PRPF40B: variants seen among roughly 807,000 people sequenced by gnomAD.
The protein encoded by PRPF40B is pre-mRNA-processing factor 40 homolog B.
A neutral mutation model predicts 124.5 loss-of-function variants in PRPF40B; 56 were observed. The ratio of observed to expected loss-of-function variants is 0.45; its 90% CI spans 0.36 to 0.56. The LOEUF (loss-of-function observed/expected upper bound fraction) is 0.56, where lower values mean the gene tolerates loss of function less well. Among genes scored for constraint, PRPF40B ranks in the 20% least tolerant of loss-of-function variants. The pLI is 0.00. For missense variants in PRPF40B, 1,053 were observed against 1,169.5 expected (o/e 0.90, Z 1.45); for synonymous variants, 443 against 426.4 (o/e 1.04, Z -0.48).
rs776704673 is a variant in PRPF40B at position 49,634,354 on chromosome 12, C to A, written c.835C>A (p.Gln279Lys). ...CAGTTCTGGACAGCATCAGCCACAG[C>A]AGGAGGAGGAGGAATCAAAGCCAGA... ...PSSSGQHQPQQEEEESKPEPE... is the reference protein window; with the variant it reads ...PSSSGQHQPQKEEEESKPEPE... Residue 279 changes from glutamine to lysine, a missense_variant, in exon 11 of 26, where the codon CAG becomes AAG. Around this residue, in one of 2 missense-constraint regions of PRPF40B, gnomAD observed 895 missense variants for 1,052.2 expected, o/e 0.85. Transcript: ENST00000548825. 6.2e-6 allele frequency: 10 copies of A among 1,614,210 alleles called. No individual in the cohort carries two copies. In the Admixed American group the frequency reaches 1.7e-4, roughly 27 times the overall value.
chr12:49,624,590 C>T (rs528363860), intron 1 of PRPF40B, among the ~76,000 whole-genome samples: 1 of 152,352 alleles, frequency 6.6e-6, no homozygotes, highest in African/African-American at 2.4e-5. Context: ...TGGCTCATGC[C>T]TGTAATCCCA....
intron 18 of PRPF40B, chr12:49,638,994 ATTAC>A (rs1250016146): frequency 5.3e-5 from 8 of 152,226 alleles, no homozygotes; most frequent in Non-Finnish European, 1.0e-4. Flanking sequence ...AATATTTTAA[ATTAC>A]TTACCATTAG....
At chr12:49,624,215 T>G (rs1940489668) in intron 1 of PRPF40B, 1 of 961,570 alleles carries the variant, frequency 1.0e-6, no homozygotes, top group South Asian at 4.8e-5. Flanking sequence ...CCATCAATTT[T>G]TTTAAAAAGG....
intron 9 of PRPF40B, 52 bp from the exon 10 acceptor site, chr12:49,633,834 G>C (rs1347240017): frequency 6.2e-7 from 1 of 1,610,008 alleles, no homozygotes; most frequent in Non-Finnish European, 8.5e-7. Flanking sequence ...AGCCCCTGAA[G>C]TCCTCCATTC....
rs1232215803 is a variant in PRPF40B at position 49,632,603 on chromosome 12, C to T, written c.302C>T (p.Pro101Leu). The change falls in exon 5 of 26, where the codon CCG becomes CTG. Residue 101 changes from proline (P) to leucine (L), a missense_variant. Coordinates refer to ENST00000548825, the MANE Select transcript of PRPF40B (RefSeq NM_001031698.3). The part of the protein sequence containing the change: ...PAVPVTAATA[P>L]GADTASSAVA... ...CTCCTCTTTCTTCGGCAGACGGCTC[C>T]GGGTGCGGACACCGCCAGCTGTGAG... 16 of 1,613,626 alleles carry T rather than the reference C, an allele frequency of 9.9e-6. No individual in the cohort carries two copies. Among genetic ancestry groups the T allele is most frequent in the East Asian group, 2.2e-5 (1 of 44,886 alleles).
chr12:49,637,707 A>T, intron 17 of PRPF40B, 26 bp from the exon 18 acceptor site: 1 of 872,020 alleles, frequency 1.1e-6, no homozygotes, highest in Non-Finnish European at 1.7e-6. Flanking sequence ...GCCGCCCGCC[A>T]GGCCCCCCTC....
chr12:49,644,077 G>C (rs1373404462), intron 25 of PRPF40B, 23 bp from the exon 26 acceptor site: 2 of 1,614,208 alleles, frequency 1.2e-6, no homozygotes, highest in Non-Finnish European at 1.7e-6. Context: ...GGCTAAGGGT[G>C]AACTGTGCCT....
intron 16 of PRPF40B, 101 bp downstream of exon 16, chr12:49,636,950 C>T (rs1179425474): frequency 6.5e-7 from 1 of 1,549,746 alleles, no homozygotes; most frequent in Non-Finnish European, 8.8e-7. Context: ...CCTGTTCTTT[C>T]TGTGCCTAGC....
rs768133812 is a variant in PRPF40B at position 49,631,449 on chromosome 12, C to T, written c.133C>T (p.Pro45Ser). 2 of 1,462,968 alleles carry T rather than the reference C, an allele frequency of 1.4e-6. No individual in the cohort carries two copies. Among genetic ancestry groups the T allele is most frequent in the Non-Finnish European group, 1.8e-6 (2 of 1,095,120 alleles). 90.6% of individuals were successfully genotyped at this position (1,462,968 alleles called of 1,614,324 possible). Reference protein sequence around the residue: ...PPPFPPMGLPPMSQRPPAIPP... With the variant: ...PPPFPPMGLPSMSQRPPAIPP... ...ACCCTTTCCTCCGATGGGGCTACCC[C>T]CCATGAGTCAGAGACCACCAGCTAT... is the stretch of plus-strand genomic sequence containing the variant. The change falls in exon 3 of 26, where the codon CCC becomes TCC. Residue 45 changes from proline (P) to serine (S), a missense_variant. Transcript: ENST00000548825. The surrounding 1 kb of genome is among the most constrained non-coding windows in gnomAD (Gnocchi z 4.3).
intron 7 of PRPF40B, 61 bp from the exon 8 acceptor site, chr12:49,633,366 C>T (rs966989325): frequency 4.4e-6 from 7 of 1,608,396 alleles, no homozygotes; most frequent in South Asian, 1.1e-5. Flanking sequence ...CCCCTTAGCT[C>T]CCCTGACTGG....
chr12:49,643,660 T>G (rs1942967141), intron 23 of PRPF40B, 31 bp from the exon 24 acceptor site: 1 of 1,605,426 alleles, frequency 6.2e-7, no homozygotes, highest in African/African-American at 1.3e-5. Flanking sequence ...TTTCTCCTGT[T>G]GGGACTTAGT....
chr12:49,632,089 C>T, intron 4 of PRPF40B, 164 bp downstream of exon 4: 1 of 707,320 alleles, frequency 1.4e-6, no homozygotes, highest in Non-Finnish European at 2.5e-6. Context: ...GCCATGTACT[C>T]AGCTCTTCTA....
At chr12:49,623,389 T>G (rs868631064), upstream of PRPF40B, 1,287 of 305,972 alleles carry the variant, frequency 4.2e-3, 17 homozygotes, top group African/African-American at 0.027. Context: ...CGGGGCCTGG[T>G]TCTCCGTGCC....
At chr12:49,632,462 C>T in intron 4 of PRPF40B, 134 bp from the exon 5 acceptor site, 1 of 943,888 alleles carries the variant, frequency 1.1e-6, no homozygotes, top group South Asian at 1.7e-5. Flanking sequence ...TGGGGGAAGC[C>T]TGTTAGGGAG....
rs1592593975 is a variant in PRPF40B at position 49,635,547 on chromosome 12, C to G, written c.1275+74C>G. ...CCTTGTCTTTGCTTTGTTATGGACCCTCGCCATTTACTTCTCTACTTCCCC... is the reference window on the plus strand; with the variant it reads ...CCTTGTCTTTGCTTTGTTATGGACCGTCGCCATTTACTTCTCTACTTCCCC... On this transcript the variant is annotated intron_variant, in intron 14 of 25. Coordinates refer to ENST00000548825, the MANE Select transcript of PRPF40B (RefSeq NM_001031698.3). This position sits in a 1 kb window ranked among gnomAD's most constrained non-coding sequence, Gnocchi z 4.1. 1.4e-6 allele frequency: 2 copies of G among 1,396,084 alleles called. No individual in the cohort carries two copies. Among genetic ancestry groups the G allele is most frequent in the Non-Finnish European group, 2.0e-6 (2 of 1,015,532 alleles). 86.5% of individuals were successfully genotyped at this position (1,396,084 alleles called of 1,614,324 possible).
At chr12:49,632,029 A>G (rs1941274603) in intron 4 of PRPF40B, 104 bp downstream of exon 4, 1 of 1,174,804 alleles carries the variant, frequency 8.5e-7, no homozygotes, top group Admixed American at 1.7e-5. Flanking sequence ...TTCTCATCGC[A>G]TCCACCCAGG....
chr12:49,633,345 A>C, intron 7 of PRPF40B, 82 bp from the exon 8 acceptor site: 2 of 1,575,464 alleles, frequency 1.3e-6, no homozygotes, highest in African/African-American at 1.3e-5. Flanking sequence ...TGTGTCCTCT[A>C]CTCACTAGGT....
Position 49,631,789 on chromosome 12 carries a change from T to C in PRPF40B, c.229-71T>C, listed in dbSNP as rs1183534142. The C allele has an allele frequency of 8.2e-6, 12 of 1,463,932 alleles. No homozygotes were observed. The East Asian group carries it at 2.5e-4, about 30-fold the overall frequency. The allele number at this position is 1,463,932 out of a possible 1,614,324, so 90.7% of individuals were successfully genotyped here. ...CTCCAGTGAGATGTCTCAGGACCCTTTGAGGTACCCTGTCCCTCCTGTTCC... is the reference window on the plus strand; with the variant it reads ...CTCCAGTGAGATGTCTCAGGACCCTCTGAGGTACCCTGTCCCTCCTGTTCC... On this transcript the variant is annotated intron_variant, in intron 3 of 25. Coordinates refer to ENST00000548825, the MANE Select transcript of PRPF40B (RefSeq NM_001031698.3). This position sits in a 1 kb window ranked among gnomAD's most constrained non-coding sequence, Gnocchi z 4.3.
chr12:49,631,879 C>T lies in PRPF40B; in HGVS notation c.248C>T (p.Pro83Leu), dbSNP rs1423316841. 20 of 1,614,144 alleles carry T rather than the reference C, an allele frequency of 1.2e-5. No individual in the cohort carries two copies. Among genetic ancestry groups the T allele is most frequent in the East Asian group, 2.2e-5 (1 of 44,876 alleles). ...CCATAGATACCAGGAATGGTACCTC[C>T]GATGATGCCAGGAATGCTGATGCCA... ...PLTQIPGMVP[P>L]MMPGMLMPAV... Residue 83 changes from proline (P) to leucine (L), a missense_variant, in exon 4 of 26, where the codon CCG (proline) becomes CTG (leucine). Around this residue, in one of 2 missense-constraint regions of PRPF40B, gnomAD observed 895 missense variants for 1,052.2 expected, o/e 0.85. Coordinates refer to ENST00000548825, the MANE Select transcript of PRPF40B (RefSeq NM_001031698.3). This position sits in a 1 kb window ranked among gnomAD's most constrained non-coding sequence, Gnocchi z 4.3.
Sources: gnomAD v4.1 joint callset for allele counts (sites outside exome capture counted in the v4.1 genomes callset) on GRCh38, gnomAD v4.1.1 for gene constraint, gnomAD v4.1.1 regional missense constraint, Gnocchi (gnomAD v3.1) non-coding constraint, MANE v1.5 for transcripts, NCBI Gene and HGNC (gene_info 2026-07-23, HGNC 2026-07-21) for gene names.